Variants in TUSC3 observed in about 807,000 individuals in gnomAD.
The protein encoded by TUSC3 is dolichyl-diphosphooligosaccharide--protein glycosyltransferase subunit TUSC3.
Under a neutral mutation model 44.8 loss-of-function variants are expected in TUSC3, and 45 were observed. The ratio of observed to expected loss-of-function variants is 1.00; its 90% CI spans 0.79 to 1.29. TUSC3 has a LOEUF of 1.29. Among genes scored for constraint, TUSC3 ranks in the 50% most tolerant of loss-of-function variants. The pLI is 0.00. For missense variants in TUSC3, 519 were observed against 437.9 expected (o/e 1.19, Z -1.65); for synonymous variants, 212 against 152.9 (o/e 1.39, Z -2.85).
chr8:15,606,430 G>A (rs1804529774), intron 1 of TUSC3, among the ~76,000 whole-genome samples: 1 of 152,022 alleles, frequency 6.6e-6, no homozygotes, highest in African/African-American at 2.4e-5. Flanking sequence ...AATTTTTGGG[G>A]AGTGAACACT....
intron 5 of TUSC3, among the ~76,000 whole-genome samples, chr8:15,670,105 T>G (rs918775540): frequency 5.3e-5 from 8 of 151,860 alleles, no homozygotes; most frequent in African/African-American, 1.9e-4. Flanking sequence ...TCAAATAAAT[T>G]TTTTAAAAAC....
At chr8:15,707,770 C>G (rs1809678112) in intron 6 of TUSC3, among the ~76,000 whole-genome samples, 1 of 151,906 alleles carries the variant, frequency 6.6e-6, no homozygotes, top group Non-Finnish European at 1.5e-5. Context: ...AACAAAATGC[C>G]ACAAACCGGG....
the TUSC3 span, among the ~76,000 whole-genome samples, chr8:15,786,354 GTC>G: frequency 3.3e-5 from 5 of 152,178 alleles, no homozygotes; most frequent in African/African-American, 1.2e-4. Context: ...GGTACAGTCT[GTC>G]TCTATATAGA....
the TUSC3 span, among the ~76,000 whole-genome samples, chr8:15,778,867 A>G: frequency 7.4e-4 from 112 of 152,350 alleles, 1 homozygote; most frequent in Non-Finnish European, 1.2e-3. Flanking sequence ...AGTTAGATAC[A>G]GAACAATGAC....
chr8:15,851,563 C>A, the TUSC3 span, among the ~76,000 whole-genome samples: 3 of 152,092 alleles, frequency 2.0e-5, no homozygotes, highest in South Asian at 6.2e-4. Flanking sequence ...ATAACTTGAC[C>A]AAGACATGGG....
In TUSC3 at chr8:15,603,530, AT is replaced by A. The variant is rs200588289; in HGVS notation, c.139-19544del. Among the ~76,000 whole-genome samples the A allele has an allele frequency of 3.2e-3, 480 of 151,732 alleles. 3 individuals are homozygous for A. Among genetic ancestry groups the A allele is most frequent in the African/African-American group, 0.01 (434 of 41,486 alleles). ...AGCCTGTGTACTTCTTTGCAGAAAAATTTTTTAAGTACAATATATAGGATTA... is the reference window on the plus strand; with the variant it reads ...AGCCTGTGTACTTCTTTGCAGAAAAATTTTTAAGTACAATATATAGGATTA... On this transcript the variant is annotated intron_variant, in intron 1 of 10. Transcript: ENST00000503731.
intron 6 of TUSC3, among the ~76,000 whole-genome samples, chr8:15,680,174 C>A (rs926879060): frequency 2.6e-5 from 4 of 151,982 alleles, no homozygotes; most frequent in African/African-American, 7.2e-5. Flanking sequence ...TTGCTTTGGG[C>A]AGAATGGCGA....
At chr8:15,781,659 G>C in the TUSC3 span, among the ~76,000 whole-genome samples, 1 of 152,130 alleles carries the variant, frequency 6.6e-6, no homozygotes, top group Admixed American at 6.5e-5. Flanking sequence ...GTAATAAAAA[G>C]TCTTCCATCA....
At chr8:15,625,767 A>T (rs1805479197) in intron 2 of TUSC3, among the ~76,000 whole-genome samples, 1 of 152,210 alleles carries the variant, frequency 6.6e-6, no homozygotes, top group South Asian at 2.1e-4. Flanking sequence ...AAAATTTCTA[A>T]GAAGCATCTT....
chr8:15,778,091 C>CT, the TUSC3 span, among the ~76,000 whole-genome samples: 1 of 128,214 alleles, frequency 7.8e-6, no homozygotes, highest in Non-Finnish European at 1.6e-5. Flanking sequence ...AGAGCCCACA[C>CT]TTTAAGGCAA....
chr8:15,588,364 C>T (rs751441612), intron 1 of TUSC3, among the ~76,000 whole-genome samples: 1 of 151,880 alleles, frequency 6.6e-6, no homozygotes, highest in African/African-American at 2.4e-5. Flanking sequence ...TCTTCTTTTT[C>T]GAAATGTCTA....
At chr8:15,733,356 T>TG (rs1045438434) in intron 7 of TUSC3, 29 of 406,320 alleles carry the variant, frequency 7.1e-5, no homozygotes, top group East Asian at 4.6e-4. Context: ...TTTTTGTTTT[T>TG]TTTTTTTTCC....
At chr8:15,844,655 C>T in the TUSC3 span, among the ~76,000 whole-genome samples, 1 of 152,082 alleles carries the variant, frequency 6.6e-6, no homozygotes, top group East Asian at 1.9e-4. Flanking sequence ...ATGGTAAAAG[C>T]ATTGTAACCT....
At chr8:15,552,336 T>A (rs911708730) in intron 1 of TUSC3, among the ~76,000 whole-genome samples, 1 of 151,860 alleles carries the variant, frequency 6.6e-6, no homozygotes, top group South Asian at 2.1e-4. Flanking sequence ...GTAGGTACAG[T>A]GCTGGATTTT....
At chr8:15,761,167 T>C (rs1283091896) in intron 10 of TUSC3, among the ~76,000 whole-genome samples, 4 of 152,194 alleles carry the variant, frequency 2.6e-5, no homozygotes, top group East Asian at 3.9e-4. Flanking sequence ...GAAAAATCTT[T>C]TGAATTTCAA....
intron 1 of TUSC3, among the ~76,000 whole-genome samples, chr8:15,608,285 T>C: frequency 6.6e-6 from 1 of 152,140 alleles, no homozygotes; most frequent in Non-Finnish European, 1.5e-5. Context: ...GTTTAATGTG[T>C]ACTGAATTCC....
upstream of TUSC3, among the ~76,000 whole-genome samples, chr8:15,539,282 A>G (rs531549181): frequency 2.0e-5 from 3 of 151,216 alleles, no homozygotes; most frequent in East Asian, 5.8e-4. Context: ...AATAAAAACC[A>G]TGATGCATTA....
intron 6 of TUSC3, among the ~76,000 whole-genome samples, chr8:15,712,008 T>C (rs943545966): frequency 6.6e-6 from 1 of 151,972 alleles, no homozygotes; most frequent in Non-Finnish European, 1.5e-5. Flanking sequence ...TTTTAATCTT[T>C]TCCTTCCAAG....
At chr8:15,528,873 A>T (rs1801412041) in intron 2 of TUSC3, among the ~76,000 whole-genome samples, 1 of 152,218 alleles carries the variant, frequency 6.6e-6, no homozygotes, top group Non-Finnish European at 1.5e-5. Flanking sequence ...GCCAAAAAGC[A>T]GTCAGACTTT....
Sources: allele counts gnomAD v4.1 joint callset (sites outside exome capture counted in the v4.1 genomes callset), GRCh38; gene constraint gnomAD v4.1.1; transcripts MANE v1.5; gene names NCBI Gene and HGNC (gene_info 2026-07-23, HGNC 2026-07-21).